The following ABCB11 variants were observed in gnomAD, a reference collection of about 807,000 sequenced individuals.
The protein encoded by ABCB11 is bile salt export pump.
ABCB11 carries 95 observed loss-of-function variants against 148.0 expected under a neutral mutation model. The observed-to-expected ratio is 0.64, with a 90% CI of 0.54 to 0.76. The LOEUF (loss-of-function observed/expected upper bound fraction) is 0.76, where lower values mean the gene tolerates loss of function less well. Among genes scored for constraint, ABCB11 ranks in the 30% least tolerant of loss-of-function variants. The pLI, the probability that ABCB11 is intolerant of heterozygous loss-of-function variation, is 0.00. For missense variants in ABCB11, 1,523 were observed against 1,617.8 expected (o/e 0.94, Z 1.01); for synonymous variants, 591 against 555.4 (o/e 1.06, Z -0.90).
rs7602485 is a variant in ABCB11 at position 168,986,391 on chromosome 2, G to A, written c.909-107C>T. On this transcript the variant is annotated intron_variant, in intron 9 of 27. Coordinates refer to ENST00000650372, the MANE Select transcript of ABCB11 (RefSeq NM_003742.4). ...TTTACAAAATGATCATAAAATCATC[G>A]CAAACACAGAGCAGCTTCAGGGAGA... 6.7e-3 allele frequency: 6,527 copies of A among 979,236 alleles called. 196 individuals are homozygous for A. The African/African-American group carries it at 0.076, about 11-fold the overall frequency. 60.7% of individuals were successfully genotyped at this position (979,236 alleles called of 1,614,324 possible).
rs1691758686 is a variant in ABCB11 at position 168,935,176 on chromosome 2, T to C, written c.3056+8A>G. ...GATCTTTTCTCACCTTGGCTAGATA[T>C]TCCTCACCTGAACACATAGCTGAAA... On this transcript the variant is annotated splice_region_variant and intron_variant, in intron 23 of 27. Transcript: ENST00000650372. 1 of 1,613,752 alleles carries C rather than the reference T, an allele frequency of 6.2e-7. No homozygotes were observed. Among genetic ancestry groups the C allele is most frequent in the Non-Finnish European group, 8.5e-7 (1 of 1,179,704 alleles).
rs753144385 is a variant in ABCB11, at chr2:168,952,734, TC to T, written c.2343+5229del. On this transcript the variant is annotated intron_variant, in intron 19 of 27. Coordinates refer to ENST00000650372, the MANE Select transcript of ABCB11 (RefSeq NM_003742.4). ...TAGTTCTGCTCTGGTCTTTGTTATT[TC>T]TTTTCTTTTGCTAACTTTGGGTTTG... is the stretch of plus-strand genomic sequence containing the variant. 1.9e-4 allele frequency among the ~76,000 whole-genome samples: 29 copies of T among 151,138 alleles called. No homozygotes were observed. The East Asian group carries it at 5.3e-3, about 28-fold the overall frequency.
At chr2:168,951,108 G>A (rs1692547864) in intron 19 of ABCB11, among the ~76,000 whole-genome samples, 1 of 151,448 alleles carries the variant, frequency 6.6e-6, no homozygotes, top group Non-Finnish European at 1.5e-5. Context: ...TTGTTTCTGG[G>A]TTCTCTATTC....
intron 26 of ABCB11, 55 bp from the exon 27 acceptor site, chr2:168,924,858 G>A: frequency 6.8e-7 from 1 of 1,463,174 alleles, no homozygotes. Context: ...CTCCTGTGCT[G>A]TACTGAACTC....
At chr2:169,028,333 G>C (rs151060540) in intron 1 of ABCB11, among the ~76,000 whole-genome samples, 1 of 152,020 alleles carries the variant, frequency 6.6e-6, no homozygotes, top group Non-Finnish European at 1.5e-5. Context: ...AGTGAGGAAA[G>C]GGGAAATACA....
intron 10 of ABCB11, among the ~76,000 whole-genome samples, chr2:168,981,938 C>T (rs1010351580): frequency 6.6e-6 from 1 of 152,156 alleles, no homozygotes; most frequent in Admixed American, 6.6e-5. Flanking sequence ...TCCTGGCTGA[C>T]TGGAGGCCTA....
At chr2:168,988,774 T>C (rs1694415723) in intron 9 of ABCB11, among the ~76,000 whole-genome samples, 1 of 152,176 alleles carries the variant, frequency 6.6e-6, no homozygotes, top group Non-Finnish European at 1.5e-5. Flanking sequence ...TTGCCAACAC[T>C]TGATATCTTT....
chr2:168,987,212 C>T (rs561168432), intron 9 of ABCB11, among the ~76,000 whole-genome samples: 1 of 152,090 alleles, frequency 6.6e-6, no homozygotes, highest in Non-Finnish European at 1.5e-5. Flanking sequence ...GAGAATAACA[C>T]CATCTTACCA....
At chr2:168,980,043 A>G in intron 10 of ABCB11, 64 bp from the exon 11 acceptor site, 1 of 935,882 alleles carries the variant, frequency 1.1e-6, no homozygotes, top group Admixed American at 1.9e-5. Context: ...AATTACTATC[A>G]TTTGGGTCTT....
At chr2:169,008,020 A>AT (rs2106036610) in intron 5 of ABCB11, among the ~76,000 whole-genome samples, 1 of 152,328 alleles carries the variant, frequency 6.6e-6, no homozygotes, top group East Asian at 1.9e-4. Flanking sequence ...CTGAATAGAT[A>AT]TTTTTCTGAA....
At position 168,930,655 on chromosome 2, in the gene ABCB11, C is replaced by T. The variant is rs188996270; in HGVS notation, c.3411+10G>A. The T allele has an allele frequency of 2.6e-5, 39 of 1,485,570 alleles. No individual in the cohort carries two copies. The East Asian group carries it at 5.7e-4, about 22-fold the overall frequency. 92.0% of individuals were successfully genotyped at this position (1,485,570 alleles called of 1,614,324 possible). A position where few individuals can be genotyped will look rare whatever the true frequency, so the allele number is the denominator to read the frequency against. ...GAAGGCAAAATTCTCAAAAAGGTTG[C>T]GTGGCTTACCACCTTCCCTTGATCA... On this transcript the variant is annotated intron_variant, in intron 25 of 27. Coordinates refer to ENST00000650372, the MANE Select transcript of ABCB11 (RefSeq NM_003742.4).
Position 169,014,372 on chromosome 2 carries a change from A to G in ABCB11, c.99-18T>C, listed in dbSNP as rs4148776. Reference sequence around the variant, plus strand: ...CTTGTAACCTGATGAGAAAAACATAAGGATTTAAAGACCACCCTTTCCAAT... The same window carrying G: ...CTTGTAACCTGATGAGAAAAACATAGGGATTTAAAGACCACCCTTTCCAAT... On this transcript the variant is annotated intron_variant, in intron 3 of 27. Transcript: ENST00000650372. 113,321 of 1,609,928 alleles carry G rather than the reference A, an allele frequency of 0.07. 6,483 individuals are homozygous for G. The highest frequency in any genetic ancestry group is 0.31 in the African/African-American group (22,863 of 74,712).
chr2:168,957,338 C>A (rs559770771), intron 19 of ABCB11, among the ~76,000 whole-genome samples: 1 of 151,718 alleles, frequency 6.6e-6, no homozygotes, highest in South Asian at 2.1e-4. Context: ...AACTATTGTA[C>A]ATAAAATGCT....
intron 13 of ABCB11, among the ~76,000 whole-genome samples, chr2:168,972,552 T>TA (rs573404906): frequency 5.3e-5 from 8 of 151,994 alleles, no homozygotes; most frequent in Non-Finnish European, 1.2e-4. Context: ...TCACTATTAG[T>TA]AAAAATGTAA....
chr2:168,966,123 G>C (rs1318135980), intron 17 of ABCB11, among the ~76,000 whole-genome samples: 1 of 151,840 alleles, frequency 6.6e-6, no homozygotes, highest in Non-Finnish European at 1.5e-5. Flanking sequence ...ATTTCTCCCA[G>C]TTAGGTAACA....
Position 168,927,335 on chromosome 2 carries a change from C to G in ABCB11, c.3439G>C (p.Val1147Leu), listed in dbSNP as rs759292690. 1.9e-6 allele frequency: 3 copies of G among 1,613,688 alleles called. No individual in the cohort carries two copies. In the Admixed American group the frequency reaches 5.0e-5, roughly 27 times the overall value. ...TTTGAGCGGAGGAACTGGACATTTACTTTTTTGCTGTCATGACCATCTATC... is the reference window on the plus strand; with the variant it reads ...TTTGAGCGGAGGAACTGGACATTTAGTTTTTTGCTGTCATGACCATCTATC... ...VMIDGHDSKK[V>L]NVQFLRSNIG... Residue 1147 changes from valine to leucine, a missense_variant, in exon 26 of 28, where the codon GTA (valine) becomes CTA (leucine). Physicochemically the swap from Val to Leu is conservative, Grantham distance 32 (BLOSUM62 1). Transcript: ENST00000650372.
At position 168,930,876 on chromosome 2, in the gene ABCB11, G is replaced by A. The variant is rs1465049756; in HGVS notation, c.3214-14C>T. The stretch of plus-strand genomic sequence containing the variant: ...CTGGAAGTTGTCCTGTGGATGGGAG[G>A]ATCAAAATTAGAGATGCTCTTACTG... On this transcript the variant is annotated splice_polypyrimidine_tract_variant and intron_variant, in intron 24 of 27. Coordinates refer to ENST00000650372, the MANE Select transcript of ABCB11 (RefSeq NM_003742.4). 1.3e-6 allele frequency: 2 copies of A among 1,574,640 alleles called. No homozygotes were observed. Among genetic ancestry groups the A allele is most frequent in the African/African-American group, 1.3e-5 (1 of 74,234 alleles).
intron 23 of ABCB11, among the ~76,000 whole-genome samples, chr2:168,934,579 T>C (rs73016682): frequency 2.0e-5 from 3 of 152,132 alleles, no homozygotes; most frequent in Non-Finnish European, 2.9e-5. Flanking sequence ...GAGGAGTCAG[T>C]TGGGAGGAGT....
chr2:169,010,289 C>T (rs758457973), intron 5 of ABCB11, among the ~76,000 whole-genome samples: 14 of 151,992 alleles, frequency 9.2e-5, no homozygotes, highest in Non-Finnish European at 1.9e-4. Flanking sequence ...ACTTCCTATT[C>T]CTTCATCTGC....
Sources: gnomAD v4.1 joint callset for allele counts (sites outside exome capture counted in the v4.1 genomes callset) on GRCh38, gnomAD v4.1.1 for gene constraint, MANE v1.5 for transcripts, NCBI Gene and HGNC (gene_info 2026-07-23, HGNC 2026-07-21) for gene names.